CNTROB: variants seen among roughly 807,000 people sequenced by gnomAD.
The protein encoded by CNTROB is centrobin, centriole duplication and spindle assembly protein.
Under a neutral mutation model 115.7 loss-of-function variants are expected in CNTROB, and 82 were observed. That is an observed-to-expected ratio of 0.71 (90% CI 0.59 to 0.85). The LOEUF (loss-of-function observed/expected upper bound fraction) is 0.85, where lower values mean the gene tolerates loss of function less well. CNTROB is among the 40% of genes least tolerant of loss of function. The probability of loss-of-function intolerance (pLI) is 0.00; values close to 1 mark genes in which losing one functional copy is unlikely to be tolerated. For synonymous variants in CNTROB, 439 were observed against 456.4 expected (o/e 0.96, Z 0.49); for missense variants, 1,014 against 1,144.4 (o/e 0.89, Z 1.64).
At chr17:7,936,889 TC>T (rs1359238900) in intron 6 of CNTROB, 72 bp downstream of exon 6, 27 of 821,248 alleles carry the variant, frequency 3.3e-5, no homozygotes, top group South Asian at 3.1e-4. Context: ...CAGAAATAGC[TC>T]TGGAATTAGG....
intron 13 of CNTROB, 74 bp from the exon 14 acceptor site, chr17:7,947,497 G>A (rs1455762320): frequency 5.0e-6 from 7 of 1,389,508 alleles, no homozygotes; most frequent in Non-Finnish European, 6.8e-6. Flanking sequence ...TGAGTATTAG[G>A]TGAGTTGATT....
chr17:7,936,180 T>G, intron 4 of CNTROB, 186 bp from the exon 5 acceptor site: 3 of 589,808 alleles, frequency 5.1e-6, no homozygotes, highest in South Asian at 2.1e-5. Flanking sequence ...AGAAACATGT[T>G]GGAGATCTTG....
intron 9 of CNTROB, among the ~76,000 whole-genome samples, chr17:7,941,550 G>C (rs1030399381): frequency 1.4e-4 from 19 of 137,636 alleles, no homozygotes; most frequent in African/African-American, 5.0e-4. Flanking sequence ...AGTGAGCCCA[G>C]ATTGAACCAG....
At position 7,940,161 on chromosome 17, in the gene CNTROB, T is replaced by C; in HGVS notation, c.1230T>C (p.Ser410=). The part of the protein sequence containing the change: ...ETQHQLALVQ[S]EVRRLEGELD... ...AGCACCAGTTGGCATTGGTGCAGTC[T>C]GAGGTGCGGCGGCTGGAAGGAGAGC... The change falls in exon 9 of 19, where the codon TCT becomes TCC. Residue 410 remains serine (S), a synonymous_variant. Transcript: ENST00000563694. 6.2e-7 allele frequency: 1 copy of C among 1,612,656 alleles called. No homozygotes were observed. Among genetic ancestry groups the C allele is most frequent in the Non-Finnish European group, 8.5e-7 (1 of 1,179,710 alleles).
chr17:7,937,043 T>G, intron 6 of CNTROB, 121 bp from the exon 7 acceptor site: 1 of 1,262,030 alleles, frequency 7.9e-7, no homozygotes, highest in Non-Finnish European at 1.1e-6. Context: ...GTCTTCTATC[T>G]GGCCCCTTAG....
In CNTROB at chr17:7,945,769, C is replaced by A. The variant is rs4462665; in HGVS notation, c.1776C>A (p.Pro592=). 35 of 1,613,948 alleles carry A rather than the reference C, an allele frequency of 2.2e-5. No homozygotes were observed. The highest frequency in any genetic ancestry group is 1.6e-4 in the Middle Eastern group (1 of 6,078). The change falls in exon 13 of 19, where the codon CCC becomes CCA. Residue 592 remains proline (P), a synonymous_variant. Transcript: ENST00000563694. ...AGPSSPGPQE[P]EKEERRVWTM... Reference sequence around the variant, plus strand: ...CCTCCAGCCCCGGGCCTCAGGAGCCCGAGAAGGAGGAGAGGAGGGTCTGGA... The same window carrying A: ...CCTCCAGCCCCGGGCCTCAGGAGCCAGAGAAGGAGGAGAGGAGGGTCTGGA...
At position 7,943,189 on chromosome 17, in the gene CNTROB, T is replaced by C. The variant is rs1047449532; in HGVS notation, c.1312-202T>C. The stretch of plus-strand genomic sequence containing the variant: ...CTAAGAAATTTATGTCTTTCACCCA[T>C]AGTCATTTTCACTTTGATGTATGTT... On this transcript the variant is annotated intron_variant, in intron 9 of 18. Transcript: ENST00000563694. The surrounding 1 kb of genome is among the most constrained non-coding windows in gnomAD (Gnocchi z 4.7). 6.6e-6 allele frequency among the ~76,000 whole-genome samples: 1 copy of C among 152,188 alleles called. No homozygotes were observed. The highest frequency in any genetic ancestry group is 1.5e-5 in the Non-Finnish European group (1 of 68,028).
chr17:7,949,759 G>A lies in CNTROB; in HGVS notation c.*249G>A, dbSNP rs1055403528. ...ATGACAAGATTTGGAAAGTTGGGGC[G>A]GCTAAGATTCAGTGGACAAAGCTAA... On this transcript the variant is annotated 3_prime_UTR_variant, in exon 19 of 19. Transcript: ENST00000563694. 11 of 375,254 alleles carry A rather than the reference G, an allele frequency of 2.9e-5. No individual in the cohort carries two copies. Among genetic ancestry groups the A allele is most frequent in the Non-Finnish European group, 4.7e-5 (10 of 213,186 alleles). The allele number at this position is 375,254 out of a possible 1,614,324, so 23.2% of individuals were successfully genotyped here. A position where few individuals can be genotyped will look rare whatever the true frequency, so the allele number is the denominator to read the frequency against.
rs1973598268 is a variant in CNTROB, at chr17:7,939,542, G to T, written c.957G>T (p.Arg319Ser). The T allele has an allele frequency of 5.0e-6, 8 of 1,614,064 alleles. No homozygotes were observed. The highest frequency in any genetic ancestry group is 6.8e-6 in the Non-Finnish European group (8 of 1,180,024). ...AGGAAAGGCAAGCTCTGACTCTGAGGTTGGAGGCAGAACAGCAGCGGTGCT... is the reference window on the plus strand; with the variant it reads ...AGGAAAGGCAAGCTCTGACTCTGAGTTTGGAGGCAGAACAGCAGCGGTGCT... Reference protein sequence around the residue: ...LEEERQALTLRLEAEQQRCCV... With the variant: ...LEEERQALTLSLEAEQQRCCV... The change falls in exon 8 of 19, where the codon AGG becomes AGT. Residue 319 changes from arginine to serine, a missense_variant. By Grantham distance (110) the Arg-to-Ser change is moderately radical. Coordinates refer to ENST00000563694, the MANE Select transcript of CNTROB (RefSeq NM_053051.5). This position sits in a 1 kb window ranked among gnomAD's most constrained non-coding sequence, Gnocchi z 4.4.
chr17:7,940,297 A>G lies in CNTROB; in HGVS notation c.1311+55A>G, dbSNP rs1973708872. On this transcript the variant is annotated intron_variant, in intron 9 of 18. Transcript: ENST00000563694. Reference sequence around the variant, plus strand: ...GTTCTGACAGAAGTAGATCTGAGGCAGAGGGACCTCTCAGGAGTTGTGGCA... The same window carrying G: ...GTTCTGACAGAAGTAGATCTGAGGCGGAGGGACCTCTCAGGAGTTGTGGCA... 2.2e-5 allele frequency: 33 copies of G among 1,505,814 alleles called. No individual in the cohort carries two copies. In the South Asian group the frequency reaches 3.9e-4, roughly 18 times the overall value. 93.3% of individuals were successfully genotyped at this position (1,505,814 alleles called of 1,614,324 possible). A position where few individuals can be genotyped will look rare whatever the true frequency, so the allele number is the denominator to read the frequency against.
intron 13 of CNTROB, 148 bp downstream of exon 13, chr17:7,946,134 C>A: frequency 1.4e-6 from 1 of 707,072 alleles, no homozygotes; most frequent in Non-Finnish European, 2.4e-6. Context: ...AATCTGCTCA[C>A]ATTGGTCCAA....
At position 7,932,811 on chromosome 17, in the gene CNTROB, T is replaced by A; in HGVS notation, c.-269T>A. ...CGCTGTTGTCCCACAGTAGGTCTTC[T>A]GTCCGCACCCGCTCTGCGCTGCACC... is the stretch of plus-strand genomic sequence containing the variant. On this transcript the variant is annotated 5_prime_UTR_variant, in exon 1 of 19. Transcript: ENST00000563694. 2.3e-6 allele frequency: 1 copy of A among 438,538 alleles called. No individual in the cohort carries two copies. The highest frequency in any genetic ancestry group is 4.0e-6 in the Non-Finnish European group (1 of 247,058). The allele number at this position is 438,538 out of a possible 1,614,324, so 27.2% of individuals were successfully genotyped here. A position where few individuals can be genotyped will look rare whatever the true frequency, so the allele number is the denominator to read the frequency against.
In CNTROB at chr17:7,943,620, C is replaced by G; in HGVS notation, c.1445+96C>G. 1.5e-6 allele frequency: 2 copies of G among 1,335,704 alleles called. No individual in the cohort carries two copies. Among genetic ancestry groups the G allele is most frequent in the Non-Finnish European group, 2.0e-6 (2 of 985,004 alleles). 82.7% of individuals were successfully genotyped at this position (1,335,704 alleles called of 1,614,324 possible). A position where few individuals can be genotyped will look rare whatever the true frequency, so the allele number is the denominator to read the frequency against. ...CTTCAATCCCTTTGCCATGGTCCAG[C>G]ACTGTGACTCCCAGGGTGCGCTAAC... On this transcript the variant is annotated intron_variant, in intron 10 of 18. Coordinates refer to ENST00000563694, the MANE Select transcript of CNTROB (RefSeq NM_053051.5). This position sits in a 1 kb window ranked among gnomAD's most constrained non-coding sequence, Gnocchi z 4.7.
chr17:7,936,796 C>A lies in CNTROB; in HGVS notation c.807C>A (p.Leu269=). Residue 269 remains leucine (L), a synonymous_variant, in exon 6 of 19, where the codon CTC becomes CTA. Transcript: ENST00000563694. ...AAGAGGAACACCAGGCAGCAGAGCT[C>A]ACCAGAAGCAAGCAGCAGGAGGTGA... ...GLQEEHQAAE[L]TRSKQQETVT... The A allele has an allele frequency of 1.4e-6, 2 of 1,447,412 alleles. No homozygotes were observed. The highest frequency in any genetic ancestry group is 1.1e-5 in the South Asian group (1 of 87,718). The allele number at this position is 1,447,412 out of a possible 1,614,324, so 89.7% of individuals were successfully genotyped here. A position where few individuals can be genotyped will look rare whatever the true frequency, so the allele number is the denominator to read the frequency against.
chr17:7,947,436 ATCTTC>A (rs1412608781), intron 13 of CNTROB, 130 bp from the exon 14 acceptor site: 1 of 856,084 alleles, frequency 1.2e-6, no homozygotes, highest in Non-Finnish European at 1.7e-6. Context: ...CTCCATCTTC[ATCTTC>A]TCTTAGCTGT....
In CNTROB at chr17:7,943,888, C is replaced by T. The variant is rs1181168490; in HGVS notation, c.1446-235C>T. Among the ~76,000 whole-genome samples, 1 of 152,174 alleles carries T rather than the reference C, an allele frequency of 6.6e-6. No homozygotes were observed. The highest frequency in any genetic ancestry group is 6.5e-5 in the Admixed American group (1 of 15,284). On this transcript the variant is annotated intron_variant, in intron 10 of 18. Coordinates refer to ENST00000563694, the MANE Select transcript of CNTROB (RefSeq NM_053051.5). This position sits in a 1 kb window ranked among gnomAD's most constrained non-coding sequence, Gnocchi z 4.7. Reference sequence around the variant, plus strand: ...AGCCTGGCCTCACTTCTCCTCACACCCATTCTGCTGCCGAGATTTTCTGGA... The same window carrying T: ...AGCCTGGCCTCACTTCTCCTCACACTCATTCTGCTGCCGAGATTTTCTGGA...
At position 7,935,135 on chromosome 17, in the gene CNTROB, C is replaced by T. The variant is rs147273177; in HGVS notation, c.584C>T (p.Thr195Ile). 2.1e-3 allele frequency: 3,393 copies of T among 1,614,116 alleles called. 7 individuals carry two copies. The highest frequency in any genetic ancestry group is 2.6e-3 in the Non-Finnish European group (3,055 of 1,180,016). ...GLRDALDSEH[T>I]RRKHCERHIQ... ...AGAGATGCATTGGATTCAGAGCATA[C>T]CCGCCGCAAGGTAAGATGCAAACGC... Residue 195 changes from threonine (T) to isoleucine (I), a missense_variant, in exon 4 of 19, where the codon ACC becomes ATC. Thr to Ile is a moderately conservative substitution (Grantham distance 89). Coordinates refer to ENST00000563694, the MANE Select transcript of CNTROB (RefSeq NM_053051.5).
chr17:7,941,283 C>T (rs1457392919), intron 9 of CNTROB, among the ~76,000 whole-genome samples: 1 of 152,120 alleles, frequency 6.6e-6, no homozygotes, highest in Admixed American at 6.6e-5. Flanking sequence ...TAAGGAGGTA[C>T]CAGTGAGGCC....
At chr17:7,938,194 G>A (rs963952096) in intron 7 of CNTROB, among the ~76,000 whole-genome samples, 2 of 151,888 alleles carry the variant, frequency 1.3e-5, no homozygotes, top group African/African-American at 2.4e-5. Context: ...TGGTAGAGAC[G>A]GGGTTTCGCC....
Sources: allele counts gnomAD v4.1 joint callset (sites outside exome capture counted in the v4.1 genomes callset), GRCh38; gene constraint gnomAD v4.1.1; non-coding constraint Gnocchi (gnomAD v3.1); transcripts MANE v1.5; gene names NCBI Gene and HGNC (gene_info 2026-07-23, HGNC 2026-07-21).